PTPRK: variants seen among roughly 807,000 people sequenced by gnomAD.
The protein encoded by PTPRK is protein tyrosine phosphatase receptor type K.
PTPRK carries 75 observed loss-of-function variants against 178.0 expected under a neutral mutation model. That is an observed-to-expected ratio of 0.42 (90% CI 0.35 to 0.51). The LOEUF (loss-of-function observed/expected upper bound fraction) is 0.51. PTPRK is among the 20% of genes least tolerant of loss of function. PTPRK has a pLI of 0.02. For synonymous variants in PTPRK, 637 were observed against 620.6 expected (o/e 1.03, Z -0.39); for missense variants, 1,441 against 1,797.8 (o/e 0.80, Z 3.59).
chr6:128,517,827 A>G (rs1858313187), intron 1 of PTPRK, among the ~76,000 whole-genome samples: 1 of 152,214 alleles, frequency 6.6e-6, no homozygotes, highest in African/African-American at 2.4e-5. Flanking sequence ...TAAATTCTCA[A>G]CATGAATTTG....
chr6:128,329,382 AACACAC>A (rs149088868), intron 2 of PTPRK, among the ~76,000 whole-genome samples: 4 of 145,614 alleles, frequency 2.7e-5, no homozygotes, highest in African/African-American at 7.5e-5. Context: ...TATATAGATA[AACACAC>A]ACACACACAC....
At chr6:128,029,020 G>A (rs1211645972) in intron 13 of PTPRK, among the ~76,000 whole-genome samples, 1 of 152,142 alleles carries the variant, frequency 6.6e-6, no homozygotes, top group Non-Finnish European at 1.5e-5. Flanking sequence ...TTGATCAACT[G>A]ATACAGTTTG....
chr6:128,466,449 T>G (rs1422642375), intron 1 of PTPRK, among the ~76,000 whole-genome samples: 1 of 152,200 alleles, frequency 6.6e-6, no homozygotes, highest in African/African-American at 2.4e-5. Flanking sequence ...CAATTATATT[T>G]GAGGCACTTT....
intron 2 of PTPRK, among the ~76,000 whole-genome samples, chr6:128,349,913 T>C (rs1832906661): frequency 6.6e-6 from 1 of 152,078 alleles, no homozygotes; most frequent in South Asian, 2.1e-4. Context: ...ACACAGAGTT[T>C]TGCACAGAGA....
intron 3 of PTPRK, among the ~76,000 whole-genome samples, chr6:128,265,307 A>T (rs999389507): frequency 4.6e-5 from 7 of 152,170 alleles, no homozygotes; most frequent in Non-Finnish European, 1.0e-4. Flanking sequence ...ATATACATAC[A>T]TTCTGCTAAG....
At chr6:128,252,179 T>C (rs1816567979) in intron 3 of PTPRK, among the ~76,000 whole-genome samples, 1 of 152,194 alleles carries the variant, frequency 6.6e-6, no homozygotes. Flanking sequence ...CATACTGAAA[T>C]GAATATGCAA....
chr6:128,117,985 T>C (rs930223939), intron 7 of PTPRK, among the ~76,000 whole-genome samples: 1 of 150,824 alleles, frequency 6.6e-6, no homozygotes, highest in Non-Finnish European at 1.5e-5. Flanking sequence ...TTATAATTCA[T>C]TTTTTTGTGA....
chr6:128,170,414 A>G (rs997797174), intron 7 of PTPRK, among the ~76,000 whole-genome samples: 1 of 152,086 alleles, frequency 6.6e-6, no homozygotes, highest in African/African-American at 2.4e-5. Flanking sequence ...GAACAACAAA[A>G]AACTCATGAC....
intron 7 of PTPRK, among the ~76,000 whole-genome samples, chr6:128,132,220 G>C (rs1562642391): frequency 6.6e-6 from 1 of 151,986 alleles, no homozygotes; most frequent in Non-Finnish European, 1.5e-5. Context: ...TGTCACCCAG[G>C]CTGGAGTGCA....
chr6:128,267,007 A>G (rs1819059528), intron 3 of PTPRK, among the ~76,000 whole-genome samples: 1 of 152,148 alleles, frequency 6.6e-6, no homozygotes, highest in Non-Finnish European at 1.5e-5. Flanking sequence ...GAACATTGTT[A>G]TTAATCTCAT....
intron 3 of PTPRK, among the ~76,000 whole-genome samples, chr6:128,273,393 A>G (rs767951383): frequency 7.9e-5 from 12 of 152,162 alleles, no homozygotes; most frequent in Non-Finnish European, 1.6e-4. Context: ...TTTATTTTGT[A>G]TAACTATCAA....
intron 2 of PTPRK, among the ~76,000 whole-genome samples, chr6:128,323,628 G>T (rs767404052): frequency 6.6e-6 from 1 of 152,108 alleles, no homozygotes; most frequent in African/African-American, 2.4e-5. Flanking sequence ...AGAGAGGATG[G>T]TGTCAACTAT....
At chr6:128,354,395 C>G (rs1833681253) in intron 2 of PTPRK, among the ~76,000 whole-genome samples, 1 of 151,420 alleles carries the variant, frequency 6.6e-6, no homozygotes, top group African/African-American at 2.4e-5. Context: ...CCACCACCGC[C>G]CGGCTAATTT....
Position 128,267,247 on chromosome 6 carries a change from A to T in PTPRK, c.496-24645T>A, listed in dbSNP as rs189136486. Among the ~76,000 whole-genome samples, 18 of 152,236 alleles carry T rather than the reference A, an allele frequency of 1.2e-4. No individual in the cohort carries two copies. In the South Asian group the frequency reaches 1.2e-3, roughly 11 times the overall value. On this transcript the variant is annotated intron_variant, in intron 3 of 29. Transcript: ENST00000368226. The stretch of plus-strand genomic sequence containing the variant: ...GGCAAAAATGTAACTCATTTTTTCA[A>T]CCAATTTACCAAGAAGAGAAATCAC...
chr6:128,218,810 T>G lies in PTPRK; in HGVS notation c.868+112A>C, dbSNP rs1405008680. The G allele has an allele frequency of 1.0e-5, 10 of 961,572 alleles. No individual in the cohort carries two copies. The Admixed American group carries it at 2.6e-4, about 25-fold the overall frequency. 59.6% of individuals were successfully genotyped at this position (961,572 alleles called of 1,614,324 possible). Reference sequence around the variant, plus strand: ...TTGTATGATGATATATTTTTTATAGTGACTTGACATCAGAAACACTATGGT... The same window carrying G: ...TTGTATGATGATATATTTTTTATAGGGACTTGACATCAGAAACACTATGGT... On this transcript the variant is annotated intron_variant, in intron 6 of 29. Transcript: ENST00000368226.
At chr6:128,437,220 T>A (rs990662205) in intron 1 of PTPRK, among the ~76,000 whole-genome samples, 6 of 152,196 alleles carry the variant, frequency 3.9e-5, no homozygotes, top group African/African-American at 1.4e-4. Context: ...ACAAAAACCA[T>A]TCTTAGTTTG....
chr6:128,216,608 T>C (rs750490752), intron 6 of PTPRK, among the ~76,000 whole-genome samples: 1 of 152,010 alleles, frequency 6.6e-6, no homozygotes, highest in Non-Finnish European at 1.5e-5. Flanking sequence ...ATAAATTTTA[T>C]TGAAATAATT....
At chr6:128,139,448 T>C (rs1009838122) in intron 7 of PTPRK, among the ~76,000 whole-genome samples, 1 of 151,996 alleles carries the variant, frequency 6.6e-6, no homozygotes, top group African/African-American at 2.4e-5. Flanking sequence ...AAAGGGCTCC[T>C]CTCTTCTTTT....
At chr6:128,216,605 T>C (rs1197249192) in intron 6 of PTPRK, among the ~76,000 whole-genome samples, 3 of 152,020 alleles carry the variant, frequency 2.0e-5, no homozygotes, top group Non-Finnish European at 4.4e-5. Flanking sequence ...CTTATAAATT[T>C]TATTGAAATA....
Sources: allele counts gnomAD v4.1 joint callset (sites outside exome capture counted in the v4.1 genomes callset), GRCh38; gene constraint gnomAD v4.1.1; transcripts MANE v1.5; gene names NCBI Gene and HGNC (gene_info 2026-07-23, HGNC 2026-07-21).